The following LRP1 variants were observed in gnomAD, a reference collection of about 807,000 sequenced individuals.
LRP1 encodes LDL receptor related protein 1.
A neutral mutation model predicts 541.5 loss-of-function variants in LRP1; 51 were observed. The observed-to-expected ratio is 0.09, with a 90% CI of 0.08 to 0.12. The LOEUF is 0.12. Ranked by LOEUF, LRP1 falls within the 10% of genes least tolerant of loss-of-function variation. The pLI is 1.00. For missense variants in LRP1, 3,878 were observed against 6,376.2 expected, an observed-to-expected ratio of 0.61 and a Z score of 13.34; for synonymous variants, 2,219 against 2,470.8, an observed-to-expected ratio of 0.90 and a Z score of 3.02.
intron 20 of LRP1, among the ~76,000 whole-genome samples, chr12:57,172,387 T>A (rs925569869): frequency 6.6e-6 from 1 of 152,150 alleles, no homozygotes; most frequent in African/African-American, 2.4e-5. Flanking sequence ...GCCAGGATGG[T>A]CTCGATCTCC....
rs369984474 is a variant in LRP1, at chr12:57,167,514, A to C, written c.2985A>C (p.Arg995Ser). Residue 995 changes from arginine (R) to serine (S), a missense_variant, in exon 19 of 89, where the codon AGA becomes AGC. Coordinates refer to ENST00000243077, the MANE Select transcript of LRP1 (RefSeq NM_002332.3). ...NNGRCININW[R>S]CDNDNDCGDN... ...GCAGATGTATCAACATCAACTGGAG[A>C]TGCGACAATGGTAAGAGCTTGCTCT... The C allele has an allele frequency of 6.2e-7, 1 of 1,613,758 alleles. No individual in the cohort carries two copies. The highest frequency in any genetic ancestry group is 8.5e-7 in the Non-Finnish European group (1 of 1,179,764).
chr12:57,200,647 C>G lies in LRP1; in HGVS notation c.10109-52C>G. On this transcript the variant is annotated intron_variant, in intron 63 of 88. Transcript: ENST00000243077. ...GGGGCTGTGGTGCCCTGCAAGTGGA[C>G]CTGGCCGTGTCCACCCCAGCCGCTC... 1.9e-6 allele frequency: 3 copies of G among 1,564,202 alleles called. No homozygotes were observed. In the Admixed American group the frequency reaches 5.0e-5, roughly 26 times the overall value.
Position 57,185,779 on chromosome 12 carries a change from G to A in LRP1, c.6712G>A (p.Ala2238Thr). ...CCCTGAGCACATGAAGAACGTCATC[G>A]CCCTGGCCTTTGACTACCGGGCAGG... is the stretch of plus-strand genomic sequence containing the variant. ...EDPEHMKNVI[A>T]LAFDYRAGTS... Residue 2238 changes from alanine (A) to threonine (T), a missense_variant, in exon 41 of 89, where the codon GCC (alanine) becomes ACC (threonine). Ala to Thr is a moderately conservative substitution (Grantham distance 58). Coordinates refer to ENST00000243077, the MANE Select transcript of LRP1 (RefSeq NM_002332.3). The surrounding 1 kb of genome is among the most constrained non-coding windows in gnomAD (Gnocchi z 4.9). 1 of 1,614,174 alleles carries A rather than the reference G, an allele frequency of 6.2e-7. No homozygotes were observed. The highest frequency in any genetic ancestry group is 8.5e-7 in the Non-Finnish European group (1 of 1,180,032).
intron 31 of LRP1, 92 bp downstream of exon 31, chr12:57,180,233 C>A: frequency 6.3e-7 from 1 of 1,578,700 alleles, no homozygotes; most frequent in South Asian, 1.1e-5. Flanking sequence ...TCAGCCTCCC[C>A]AGAGCCCTAG....
chr12:57,150,189 C>CTTTTTT (rs769778868), intron 6 of LRP1: 29,607 of 92,400 alleles, frequency 0.32, 5,539 homozygotes, highest in African/African-American at 0.4. Context: ...AAACTTCCTT[C>CTTTTTT]TTTTTTTTTT....
At position 57,175,961 on chromosome 12, in the gene LRP1, C is replaced by A. The variant is rs920697824; in HGVS notation, c.3846C>A (p.Ile1282=). 3.7e-6 allele frequency: 6 copies of A among 1,614,082 alleles called. No homozygotes were observed. The highest frequency in any genetic ancestry group is 5.1e-6 in the Non-Finnish European group (6 of 1,180,042). The change falls in exon 24 of 89, where the codon ATC becomes ATA. Residue 1282 remains isoleucine, a synonymous_variant. Coordinates refer to ENST00000243077, the MANE Select transcript of LRP1 (RefSeq NM_002332.3). The part of the protein sequence containing the change: ...IFSNRHEIRR[I]DLHKGDYSVL... The stretch of plus-strand genomic sequence containing the variant: ...CCAACCGCCATGAAATCCGGCGCAT[C>A]GATCTTCACAAAGGAGACTACAGCG...
At chr12:57,142,766 C>T (rs1231461672) in intron 3 of LRP1, among the ~76,000 whole-genome samples, 1 of 152,134 alleles carries the variant, frequency 6.6e-6, no homozygotes, top group East Asian at 1.9e-4. Context: ...ATATTTTCCC[C>T]CTCTGTGGAG....
In LRP1 at chr12:57,185,950, G is replaced by A. The variant is rs755870638; in HGVS notation, c.6841+42G>A. ...AGTCTTCCCAGGAAGTGGGACATGG[G>A]GCGGGGAGCAGCACAGACTCTTAGA... On this transcript the variant is annotated intron_variant, in intron 41 of 88. Transcript: ENST00000243077. The surrounding 1 kb of genome is among the most constrained non-coding windows in gnomAD (Gnocchi z 4.9). 4 of 1,582,434 alleles carry A rather than the reference G, an allele frequency of 2.5e-6. No individual in the cohort carries two copies. In the Admixed American group the frequency reaches 6.9e-5, roughly 27 times the overall value.
chr12:57,200,118 C>T, intron 62 of LRP1, 93 bp downstream of exon 62: 2 of 1,098,990 alleles, frequency 1.8e-6, no homozygotes, highest in Non-Finnish European at 1.3e-6. Context: ...CTAATGTCCT[C>T]ATGCATCTGG....
chr12:57,133,316 G>GCT (rs1399244323), intron 1 of LRP1, among the ~76,000 whole-genome samples: 1 of 151,888 alleles, frequency 6.6e-6, no homozygotes, highest in Non-Finnish European at 1.5e-5. Flanking sequence ...AGGAAAAGCT[G>GCT]GTGGGGGAGG....
Position 57,204,319 on chromosome 12 carries a change from G to T in LRP1, c.10952-91G>T. 1 of 1,384,356 alleles carries T rather than the reference G, an allele frequency of 7.2e-7. No individual in the cohort carries two copies. The highest frequency in any genetic ancestry group is 2.0e-5 in the South Asian group (1 of 51,196). 85.8% of individuals were successfully genotyped at this position (1,384,356 alleles called of 1,614,324 possible). A position where few individuals can be genotyped will look rare whatever the true frequency, so the allele number is the denominator to read the frequency against. ...TTGGCTGTGCCACTGCTTGCCTGGT[G>T]ACCCCTCTGAGCCTGGAACCCCCAC... is the stretch of plus-strand genomic sequence containing the variant. On this transcript the variant is annotated intron_variant, in intron 70 of 88. Transcript: ENST00000243077. The surrounding 1 kb of genome is among the most constrained non-coding windows in gnomAD (Gnocchi z 5.3).
In LRP1 at chr12:57,201,948, G is replaced by T; in HGVS notation, c.10594+43G>T. On this transcript the variant is annotated intron_variant, in intron 67 of 88. Coordinates refer to ENST00000243077, the MANE Select transcript of LRP1 (RefSeq NM_002332.3). This position sits in a 1 kb window ranked among gnomAD's most constrained non-coding sequence, Gnocchi z 6.4. ...TCCAGGAGGAAGACAGTCTACCTGG[G>T]TGGGAGGCATGGCACCCCTGGCAGG... 1 of 1,609,708 alleles carries T rather than the reference G, an allele frequency of 6.2e-7. No homozygotes were observed. Among genetic ancestry groups the T allele is most frequent in the Non-Finnish European group, 8.5e-7 (1 of 1,177,026 alleles).
rs1262315252 is a variant in LRP1, at chr12:57,158,090, C to T, written c.1562-312C>T. The stretch of plus-strand genomic sequence containing the variant: ...GTGGTAAACAGTGATGTGACTCCAA[C>T]ATATTTTGAAGGTACTCCTTTTATA... On this transcript the variant is annotated intron_variant, in intron 10 of 88. Transcript: ENST00000243077. This position sits in a 1 kb window ranked among gnomAD's most constrained non-coding sequence, Gnocchi z 5.3. 1.3e-5 allele frequency among the ~76,000 whole-genome samples: 2 copies of T among 152,164 alleles called. No individual in the cohort carries two copies. Among genetic ancestry groups the T allele is most frequent in the East Asian group, 3.9e-4 (2 of 5,194 alleles).
At position 57,206,540 on chromosome 12, in the gene LRP1, C is replaced by T. The variant is rs776173512; in HGVS notation, c.11658C>T (p.Pro3886=). Residue 3886 remains proline, a synonymous_variant, in exon 76 of 89, where the codon CCC becomes CCT. Transcript: ENST00000243077. The surrounding 1 kb of genome is among the most constrained non-coding windows in gnomAD (Gnocchi z 4.7). ...NEIRSLFPGH[P]HSAYEQAFQG... ...TCCGCAGCCTGTTCCCCGGCCACCC[C>T]CATTCGGCTTACGAGCAGGCATTCC... 5.6e-6 allele frequency: 9 copies of T among 1,614,052 alleles called. No individual in the cohort carries two copies. Among genetic ancestry groups the T allele is most frequent in the Non-Finnish European group, 6.8e-6 (8 of 1,180,044 alleles).
In LRP1 at chr12:57,156,037, G is replaced by A. The variant is rs2136675873; in HGVS notation, c.1228-57G>A. On this transcript the variant is annotated intron_variant, in intron 8 of 88. Transcript: ENST00000243077. This position sits in a 1 kb window ranked among gnomAD's most constrained non-coding sequence, Gnocchi z 5.2. ...TGGAGGAAGCTGAGGGGATCTCCAG[G>A]ACAGAGGGAGGAACCCCTGTCATCT... 1 of 1,464,500 alleles carries A rather than the reference G, an allele frequency of 6.8e-7. No homozygotes were observed. The highest frequency in any genetic ancestry group is 1.2e-5 in the South Asian group (1 of 82,028). The allele number at this position is 1,464,500 out of a possible 1,614,324, so 90.7% of individuals were successfully genotyped here.
At chr12:57,175,319 A>T in intron 22 of LRP1, 141 bp from the exon 23 acceptor site, 2 of 967,760 alleles carry the variant, frequency 2.1e-6, no homozygotes, top group Non-Finnish European at 3.1e-6. Flanking sequence ...GAAGCTCAGC[A>T]GGAATGGAGA....
At chr12:57,167,312 C>T (rs563549818) in intron 18 of LRP1, 132 bp from the exon 19 acceptor site, 11 of 720,210 alleles carry the variant, frequency 1.5e-5, no homozygotes, top group African/African-American at 6.9e-5. Flanking sequence ...GGCACTGCTG[C>T]GGGGCCTTCC....
At chr12:57,161,434 G>C (rs2035731684) in intron 13 of LRP1, among the ~76,000 whole-genome samples, 1 of 152,182 alleles carries the variant, frequency 6.6e-6, no homozygotes, top group African/African-American at 2.4e-5. Flanking sequence ...TGTGTGCATA[G>C]ATACACGGCA....
intron 20 of LRP1, among the ~76,000 whole-genome samples, 176 bp from the exon 21 acceptor site, chr12:57,172,992 T>C (rs1170725297): frequency 1.3e-5 from 2 of 152,228 alleles, no homozygotes; most frequent in African/African-American, 4.8e-5. Flanking sequence ...TGATGCCTCC[T>C]GACTCTACTA....
Sources: allele counts gnomAD v4.1 joint callset (sites outside exome capture counted in the v4.1 genomes callset), GRCh38; gene constraint gnomAD v4.1.1; non-coding constraint Gnocchi (gnomAD v3.1); transcripts MANE v1.5; gene names NCBI Gene and HGNC (gene_info 2026-07-23, HGNC 2026-07-21).